The following GLB1L3 variants were observed in gnomAD, a reference collection of about 807,000 sequenced individuals.
The protein encoded by GLB1L3 is beta-galactosidase-1-like protein 3.
A neutral mutation model predicts 89.5 loss-of-function variants in GLB1L3; 89 were observed. That is an observed-to-expected ratio of 0.99 (90% CI 0.84 to 1.19). The LOEUF is 1.19. Among genes scored for constraint, GLB1L3 ranks in the 50% most tolerant of loss-of-function variants. The probability of loss-of-function intolerance (pLI) is 0.00; values close to 1 mark genes in which losing one functional copy is unlikely to be tolerated. For synonymous variants in GLB1L3, 314 were observed against 312.3 expected (o/e 1.01, Z -0.06); for missense variants, 812 against 813.3 (o/e 1.00, Z 0.02).
chr11:134,289,291 T>C (rs1941203526), intron 7 of GLB1L3, among the ~76,000 whole-genome samples: 1 of 152,144 alleles, frequency 6.6e-6, no homozygotes, highest in Non-Finnish European at 1.5e-5. Flanking sequence ...GTCTTTATCC[T>C]CATCATCTTC....
chr11:134,301,013 G>A (rs963603678), intron 9 of GLB1L3, among the ~76,000 whole-genome samples: 1 of 152,214 alleles, frequency 6.6e-6, no homozygotes, highest in Non-Finnish European at 1.5e-5. Flanking sequence ...GTTAAAGCCA[G>A]CATCAGGGTG....
intron 14 of GLB1L3, 37 bp downstream of exon 14, chr11:134,312,526 G>C: frequency 6.2e-7 from 1 of 1,603,528 alleles, no homozygotes; most frequent in East Asian, 2.2e-5. Flanking sequence ...GAAGCAAAGT[G>C]CATCACCTCC....
intron 13 of GLB1L3, chr11:134,312,056 C>G (rs1465309805): frequency 3.6e-6 from 1 of 275,470 alleles, no homozygotes; most frequent in Non-Finnish European, 6.7e-6. Flanking sequence ...TGCGGCCTCC[C>G]AAAGTGCTGG....
At chr11:134,283,450 G>C (rs1940809752) in intron 5 of GLB1L3, among the ~76,000 whole-genome samples, 1 of 152,212 alleles carries the variant, frequency 6.6e-6, no homozygotes, top group South Asian at 2.1e-4. Flanking sequence ...GGCTGTAAGA[G>C]CCTTGACAGG....
intron 3 of GLB1L3, among the ~76,000 whole-genome samples, chr11:134,280,975 A>T (rs1237223109): frequency 6.6e-6 from 1 of 152,252 alleles, no homozygotes; most frequent in Non-Finnish European, 1.5e-5. Context: ...GATTTACTGT[A>T]ACTCCACTAT....
In GLB1L3 at chr11:134,319,263, T is replaced by G. The variant is rs1376784504; in HGVS notation, c.*321T>G. ...GCCACCACTCCCGGCCGTGAACATA[T>G]TTTTTGGGTTGCTGGAGTTCATCTA... On this transcript the variant is annotated 3_prime_UTR_variant, in exon 20 of 20. Coordinates refer to ENST00000431683, the MANE Select transcript of GLB1L3 (RefSeq NM_001080407.3). 1 of 228,674 alleles carries G rather than the reference T, an allele frequency of 4.4e-6. No homozygotes were observed. The highest frequency in any genetic ancestry group is 9.7e-5 in the East Asian group (1 of 10,278). The allele number at this position is 228,674 out of a possible 1,614,324, so 14.2% of individuals were successfully genotyped here.
intron 9 of GLB1L3, among the ~76,000 whole-genome samples, chr11:134,297,525 ATTAC>A (rs1941712110): frequency 6.6e-6 from 1 of 151,872 alleles, no homozygotes; most frequent in South Asian, 2.1e-4. Context: ...CTGTAGACTT[ATTAC>A]TTATGTCAGT....
At chr11:134,324,765 G>T in the GLB1L3 span, among the ~76,000 whole-genome samples, 1 of 151,956 alleles carries the variant, frequency 6.6e-6, no homozygotes, top group Admixed American at 6.6e-5. Context: ...AATAAATTTG[G>T]TATAAACCAC....
intron 6 of GLB1L3, 87 bp downstream of exon 6, chr11:134,283,932 C>CG: frequency 1.3e-6 from 1 of 757,806 alleles, no homozygotes; most frequent in Middle Eastern, 2.3e-4. Flanking sequence ...AGGCCACATG[C>CG]AGTCTCCATG....
Position 134,293,200 on chromosome 11 carries a change from T to C in GLB1L3, c.867T>C (p.His289=). 1 of 1,613,666 alleles carries C rather than the reference T, an allele frequency of 6.2e-7. No individual in the cohort carries two copies. Among genetic ancestry groups the C allele is most frequent in the Middle Eastern group, 1.6e-4 (1 of 6,062 alleles). Residue 289 remains histidine, a synonymous_variant, in exon 9 of 20, where the codon CAT becomes CAC. Coordinates refer to ENST00000431683, the MANE Select transcript of GLB1L3 (RefSeq NM_001080407.3). ...KLHQDTFNQL[H]KVQRDKPLLI... Reference sequence around the variant, plus strand: ...ACCAGGATACTTTCAATCAGCTTCATAAAGTCCAGGTAAGACATTTCAGAC... The same window carrying C: ...ACCAGGATACTTTCAATCAGCTTCACAAAGTCCAGGTAAGACATTTCAGAC...
At chr11:134,287,816 G>A (rs966648618) in intron 6 of GLB1L3, among the ~76,000 whole-genome samples, 1 of 152,210 alleles carries the variant, frequency 6.6e-6, no homozygotes, top group African/African-American at 2.4e-5. Context: ...AGGGTGAGGC[G>A]GGAAGGAGGC....
intron 18 of GLB1L3, 118 bp downstream of exon 18, chr11:134,314,559 C>T (rs990103949): frequency 2.8e-6 from 2 of 712,428 alleles, no homozygotes; most frequent in Non-Finnish European, 4.9e-6. Context: ...CCTCTTCTTC[C>T]TCATCTCCAA....
intron 7 of GLB1L3, 144 bp downstream of exon 7, chr11:134,289,034 C>T (rs1306435731): frequency 6.9e-6 from 4 of 576,226 alleles, no homozygotes; most frequent in Admixed American, 3.5e-5. Flanking sequence ...GGAGGGGTGC[C>T]GGCCCACTGC....
intron 6 of GLB1L3, among the ~76,000 whole-genome samples, chr11:134,288,009 C>T (rs1941117957): frequency 6.6e-6 from 1 of 152,180 alleles, no homozygotes; most frequent in Non-Finnish European, 1.5e-5. Context: ...CCTTGGCTTT[C>T]CAGCACTCAG....
At chr11:134,279,022 C>T (rs532293596) in intron 3 of GLB1L3, among the ~76,000 whole-genome samples, 1 of 152,260 alleles carries the variant, frequency 6.6e-6, no homozygotes, top group South Asian at 2.1e-4. Flanking sequence ...TGTTTTATTT[C>T]AAATGTGTTT....
intron 6 of GLB1L3, among the ~76,000 whole-genome samples, chr11:134,285,986 G>A (rs938730049): frequency 5.5e-5 from 8 of 144,740 alleles, no homozygotes; most frequent in Non-Finnish European, 1.2e-4. Context: ...TCGGCTCACC[G>A]CAACTTCCAC....
At chr11:134,286,814 C>T (rs1941024255) in intron 6 of GLB1L3, among the ~76,000 whole-genome samples, 1 of 136,184 alleles carries the variant, frequency 7.3e-6, no homozygotes, top group African/African-American at 2.6e-5. Context: ...AATAGACATG[C>T]ATTAAAATAA....
chr11:134,292,444 A>T (rs1213701892), intron 8 of GLB1L3: 1 of 430,398 alleles, frequency 2.3e-6, no homozygotes. Context: ...ACACAGCAGC[A>T]CTGGAGCTCC....
intron 7 of GLB1L3, among the ~76,000 whole-genome samples, chr11:134,289,451 G>A (rs59246351): frequency 0.096 from 14,601 of 152,102 alleles, 923 homozygotes; most frequent in Non-Finnish European, 0.14. Flanking sequence ...AAGTGGATCC[G>A]CACGGTTCAA....
Sources: allele counts gnomAD v4.1 joint callset (sites outside exome capture counted in the v4.1 genomes callset), GRCh38; gene constraint gnomAD v4.1.1; transcripts MANE v1.5; gene names NCBI Gene and HGNC (gene_info 2026-07-23, HGNC 2026-07-21).